ABCC11: variants seen among roughly 807,000 people sequenced by gnomAD.
ABCC11 encodes ATP-binding cassette sub-family C member 11.
A neutral mutation model predicts 149.3 loss-of-function variants in ABCC11; 135 were observed. The ratio of observed to expected loss-of-function variants is 0.90; its 90% CI spans 0.79 to 1.04. ABCC11 has a LOEUF of 1.04. Among genes scored for constraint, ABCC11 ranks in the 50% least tolerant of loss-of-function variants. ABCC11 has a pLI of 0.00. For synonymous variants in ABCC11, 665 were observed against 671.4 expected, an observed-to-expected ratio of 0.99 and a Z score of 0.15; for missense variants, 1,680 against 1,722.1, an observed-to-expected ratio of 0.98 and a Z score of 0.43.
chr16:48,198,139 A>C lies in ABCC11; in HGVS notation c.2217+2T>G, dbSNP rs1282500936. ...TAGTGAGGGCAGTGGGGCAGGACTC[A>C]CCGAAGTGGCTTCCTTGTGCATCTT... is the stretch of plus-strand genomic sequence containing the variant. On this transcript the variant is annotated splice_donor_variant, in intron 16 of 29. Transcript: ENST00000356608. LOFTEE classifies it high-confidence loss of function. The C allele has an allele frequency of 1.2e-6, 2 of 1,614,178 alleles. No individual in the cohort carries two copies. Among genetic ancestry groups the C allele is most frequent in the East Asian group, 2.2e-5 (1 of 44,882 alleles).
In ABCC11 at chr16:48,246,030, C is replaced by T. The variant is rs559077603; in HGVS notation, c.-19+1284G>A. Reference sequence around the variant, plus strand: ...GGAGGGTTGGACATGTCTTATTTTTCCTCAAAATCTTGTGACTATGTACAT... The same window carrying T: ...GGAGGGTTGGACATGTCTTATTTTTTCTCAAAATCTTGTGACTATGTACAT... On this transcript the variant is annotated intron_variant, in intron 1 of 29. Coordinates refer to ENST00000356608, the MANE Select transcript of ABCC11 (RefSeq NM_001370497.1). Among the ~76,000 whole-genome samples the T allele has an allele frequency of 5.3e-5, 8 of 152,206 alleles. No individual in the cohort carries two copies. The South Asian group carries it at 1.7e-3, about 32-fold the overall frequency.
intron 25 of ABCC11, 56 bp downstream of exon 25, chr16:48,176,868 A>C: frequency 6.4e-7 from 1 of 1,559,350 alleles, no homozygotes; most frequent in East Asian, 2.3e-5. Flanking sequence ...AAATAGGTCT[A>C]GTGCCCAAAG....
rs374297650 is a variant in ABCC11, at chr16:48,176,994, G to A, written c.3468C>T (p.Thr1156=). The A allele has an allele frequency of 3.6e-5, 58 of 1,614,058 alleles. No homozygotes were observed. Among genetic ancestry groups the A allele is most frequent in the Middle Eastern group, 1.6e-4 (1 of 6,078 alleles). ...TGGTCAGGTTGATGCCGTGAAGCAC[G>A]GTGGGTGTGTTGTCTCTGTATTTCA... ...YHMKYRDNTP[T]VLHGINLTIR... Residue 1156 remains threonine, a synonymous_variant, in exon 25 of 30, where the codon ACC becomes ACT. Coordinates refer to ENST00000356608, the MANE Select transcript of ABCC11 (RefSeq NM_001370497.1).
Position 48,224,366 on chromosome 16 carries a change from C to A in ABCC11, c.459G>T (p.Leu153=), listed in dbSNP as rs1284580577. 6.2e-7 allele frequency: 1 copy of A among 1,614,178 alleles called. No individual in the cohort carries two copies. Among genetic ancestry groups the A allele is most frequent in the East Asian group, 2.2e-5 (1 of 44,884 alleles). The change falls in exon 5 of 30, where the codon CTG becomes CTT. Residue 153 remains leucine, a synonymous_variant. Coordinates refer to ENST00000356608, the MANE Select transcript of ABCC11 (RefSeq NM_001370497.1). The part of the protein sequence containing the change: ...RRGIEKASVL[L]VMLRFQRTRL... Reference sequence around the variant, plus strand: ...TTGTTCTCTGGAACCTCAGCATCACCAGAAGCACTGAAGCTTTTTCAATCC... The same window carrying A: ...TTGTTCTCTGGAACCTCAGCATCACAAGAAGCACTGAAGCTTTTTCAATCC...
intron 1 of ABCC11, chr16:48,244,336 G>A: frequency 7.5e-7 from 1 of 1,333,562 alleles, no homozygotes. Flanking sequence ...CAGGCCGGGG[G>A]CAGCTGTCTG....
At chr16:48,177,136 G>T (rs367800571) in intron 24 of ABCC11, 23 bp from the exon 25 acceptor site, 8 of 1,606,132 alleles carry the variant, frequency 5.0e-6, no homozygotes, top group Non-Finnish European at 6.8e-6. Context: ...GAAAGAAAAA[G>T]AAATCAATAG....
chr16:48,241,536 A>G (rs1304416516), intron 1 of ABCC11, among the ~76,000 whole-genome samples: 1 of 152,222 alleles, frequency 6.6e-6, no homozygotes, highest in Non-Finnish European at 1.5e-5. Flanking sequence ...CAGAATTGGA[A>G]AAAACTACTT....
At chr16:48,164,939 T>C (rs1280848787), downstream of ABCC11, 1 of 152,120 alleles carries the variant, frequency 6.6e-6, no homozygotes, top group African/African-American at 2.4e-5. Context: ...ATGGGCTCTA[T>C]TTCCTGTCCT....
intron 1 of ABCC11, chr16:48,244,368 C>T (rs761052695): frequency 6.6e-7 from 1 of 1,508,496 alleles, no homozygotes; most frequent in Non-Finnish European, 8.9e-7. Flanking sequence ...TTGACAGCCC[C>T]CAGTGCGAAA....
chr16:48,170,786 G>A lies in ABCC11; in HGVS notation c.3777+103C>T, dbSNP rs963381524. On this transcript the variant is annotated intron_variant, in intron 27 of 29. Coordinates refer to ENST00000356608, the MANE Select transcript of ABCC11 (RefSeq NM_001370497.1). ...CCATGAGATGATGCATCCATGACCC[G>A]AAGCAGCAGCAGCTGGAACACCACA... The A allele has an allele frequency of 9.9e-5, 109 of 1,097,092 alleles. 1 individual carries two copies. The African/African-American group carries it at 1.4e-3, about 14-fold the overall frequency. The allele number at this position is 1,097,092 out of a possible 1,614,324, so 68.0% of individuals were successfully genotyped here. A position where few individuals can be genotyped will look rare whatever the true frequency, so the allele number is the denominator to read the frequency against.
chr16:48,197,314 C>A lies in ABCC11; in HGVS notation c.2314+657G>T, dbSNP rs1240713859. Reference sequence around the variant, plus strand: ...ATTCCTGCCTGGGCAACGGACCAAACTCTGTCTAAAAAAAAAAGACTCAGT... The same window carrying A: ...ATTCCTGCCTGGGCAACGGACCAAAATCTGTCTAAAAAAAAAAGACTCAGT... On this transcript the variant is annotated intron_variant, in intron 17 of 29. Coordinates refer to ENST00000356608, the MANE Select transcript of ABCC11 (RefSeq NM_001370497.1). 2.2e-3 allele frequency among the ~76,000 whole-genome samples: 302 copies of A among 137,934 alleles called. 1 individual carries two copies. Among genetic ancestry groups the A allele is most frequent in the Admixed American group, 4.6e-3 (62 of 13,620 alleles). The allele number at this position is 137,934 out of a possible 152,430, so 90.5% of individuals were successfully genotyped here.
intron 2 of ABCC11, 125 bp downstream of exon 2, chr16:48,231,698 G>A (rs201928033): frequency 5.5e-6 from 7 of 1,274,700 alleles, no homozygotes; most frequent in Middle Eastern, 2.9e-4. Context: ...AGAGCAAAAA[G>A]AGAAAAGAAA....
intron 18 of ABCC11, 119 bp downstream of exon 18, chr16:48,196,113 A>G: frequency 2.0e-6 from 2 of 1,000,570 alleles, no homozygotes; most frequent in Non-Finnish European, 2.9e-6. Context: ...TTAGGCCAAT[A>G]AATACCATGG....
chr16:48,183,559 C>T (rs1463661775), intron 23 of ABCC11, among the ~76,000 whole-genome samples: 1 of 152,204 alleles, frequency 6.6e-6, no homozygotes, highest in East Asian at 1.9e-4. Context: ...GCCAGGAGCT[C>T]AAGACCAGCC....
intron 20 of ABCC11, among the ~76,000 whole-genome samples, chr16:48,187,715 C>T (rs1966833184): frequency 6.6e-6 from 1 of 152,142 alleles, no homozygotes; most frequent in Admixed American, 6.5e-5. Context: ...GTGAGGATCA[C>T]ACAACTCCTC....
chr16:48,220,338 T>A (rs531693925), intron 6 of ABCC11, among the ~76,000 whole-genome samples: 1 of 152,168 alleles, frequency 6.6e-6, no homozygotes, highest in Admixed American at 6.5e-5. Context: ...TTTGTGACAA[T>A]GGGGACAATA....
chr16:48,244,186 T>G (rs139744217), intron 1 of ABCC11: 6 of 496,758 alleles, frequency 1.2e-5, no homozygotes, highest in Non-Finnish European at 2.1e-5. Context: ...TCTTTCCGCA[T>G]AGGTAGGACG....
rs1407286127 is a variant in ABCC11, at chr16:48,200,574, A to G, written c.1879-95T>C. 16 of 1,283,684 alleles carry G rather than the reference A, an allele frequency of 1.2e-5. No homozygotes were observed. The Admixed American group carries it at 3.1e-4, about 25-fold the overall frequency. The allele number at this position is 1,283,684 out of a possible 1,614,324, so 79.5% of individuals were successfully genotyped here. On this transcript the variant is annotated intron_variant, in intron 14 of 29. Coordinates refer to ENST00000356608, the MANE Select transcript of ABCC11 (RefSeq NM_001370497.1). ...CAGATGTAGCAGACAGAACCCCCTC[A>G]GTACAGACCAAGATATGCACACACT...
chr16:48,177,482 C>T (rs1243191718), intron 24 of ABCC11, among the ~76,000 whole-genome samples: 1 of 152,262 alleles, frequency 6.6e-6, no homozygotes, highest in Non-Finnish European at 1.5e-5. Flanking sequence ...CTTAATCTCT[C>T]TCTATCCTCA....
Sources: gnomAD v4.1 joint callset for allele counts (sites outside exome capture counted in the v4.1 genomes callset) on GRCh38, gnomAD v4.1.1 for gene constraint, MANE v1.5 for transcripts, NCBI Gene and HGNC (gene_info 2026-07-23, HGNC 2026-07-21) for gene names.